The following GPCPD1 variants were observed in gnomAD, a reference collection of about 807,000 sequenced individuals.
GPCPD1 encodes glycerophosphocholine phosphodiesterase 1, also known as glycerophosphocholine phosphodiesterase GPCPD1.
Under a neutral mutation model 89.2 loss-of-function variants are expected in GPCPD1, and 29 were observed. The observed-to-expected ratio is 0.33, with a 90% CI of 0.24 to 0.44. GPCPD1 has a LOEUF of 0.44. Among genes scored for constraint, GPCPD1 ranks in the 20% least tolerant of loss-of-function variants. The probability of loss-of-function intolerance (pLI) is 1.00; values close to 1 mark genes in which losing one functional copy is unlikely to be tolerated. For synonymous variants in GPCPD1, 258 were observed against 266.3 expected (o/e 0.97, Z 0.30); for missense variants, 594 against 808.9 (o/e 0.73, Z 3.22).
chr20:5,561,455 A>T lies in GPCPD1; in HGVS notation c.1395+10T>A. 17 of 1,490,980 alleles carry T rather than the reference A, an allele frequency of 1.1e-5. No homozygotes were observed. Among genetic ancestry groups the T allele is most frequent in the Non-Finnish European group, 1.6e-5 (17 of 1,069,278 alleles). The allele number at this position is 1,490,980 out of a possible 1,614,324, so 92.4% of individuals were successfully genotyped here. Reference sequence around the variant, plus strand: ...AGAGTATAGAATGTGCTGCATAGAGAATTACTTACCCTTTGCTGGCAGATC... The same window carrying T: ...AGAGTATAGAATGTGCTGCATAGAGTATTACTTACCCTTTGCTGGCAGATC... On this transcript the variant is annotated intron_variant, in intron 16 of 19. Transcript: ENST00000379019.
rs749720831 is a variant in GPCPD1, at chr20:5,558,111, A to G, written c.1669-6T>C. On this transcript the variant is annotated splice_polypyrimidine_tract_variant and splice_region_variant and intron_variant, in intron 18 of 19. Coordinates refer to ENST00000379019, the MANE Select transcript of GPCPD1 (RefSeq NM_019593.5). ...TCAGTATGTACATTTATCCCCTAGA[A>G]GAAGAAAAATTAGTTGTGCATGAAA... is the stretch of plus-strand genomic sequence containing the variant. 5 of 1,554,778 alleles carry G rather than the reference A, an allele frequency of 3.2e-6. No individual in the cohort carries two copies. Among genetic ancestry groups the G allele is most frequent in the Middle Eastern group, 3.4e-4 (2 of 5,846 alleles).
rs1264742295 is a variant in GPCPD1 at position 5,545,035 on chromosome 20, G to A, written c.*2626C>T. The A allele has an allele frequency of 2.0e-5, 3 of 150,442 alleles. No homozygotes were observed. The highest frequency in any genetic ancestry group is 1.3e-4 in the Admixed American group (2 of 15,148). The allele number at this position is 150,442 out of a possible 1,614,324, so 9.3% of individuals were successfully genotyped here. On this transcript the variant is annotated 3_prime_UTR_variant, in exon 20 of 20. Transcript: ENST00000379019. ...CATTTACAGCACATAATTCCAGAGA[G>A]TAGAAAATACCAGAGGATAATGGCG...
chr20:5,585,899 T>A (rs1978889592), intron 5 of GPCPD1: 1 of 266,320 alleles, frequency 3.8e-6, no homozygotes, highest in East Asian at 6.9e-5. Context: ...TCAAGAAGAA[T>A]GGTATCTTAT....
intron 6 of GPCPD1, among the ~76,000 whole-genome samples, chr20:5,581,796 A>G (rs1334976278): frequency 7.0e-6 from 1 of 142,284 alleles, no homozygotes; most frequent in African/African-American, 2.8e-5. Flanking sequence ...AGAATGCTTA[A>G]TAATTGTGGG....
In GPCPD1 at chr20:5,584,135, G is replaced by A. The variant is rs1978746522; in HGVS notation, c.349+146C>T. 4 of 484,624 alleles carry A rather than the reference G, an allele frequency of 8.3e-6. No individual in the cohort carries two copies. The Admixed American group carries it at 1.2e-4, about 14-fold the overall frequency. The allele number at this position is 484,624 out of a possible 1,614,324, so 30.0% of individuals were successfully genotyped here. On this transcript the variant is annotated intron_variant, in intron 6 of 19. Transcript: ENST00000379019. ...ATTATAATCATATGAGACTGCTGCT[G>A]CACGTGTGGCCTGTCTTTGACCAAA...
At chr20:5,568,230 G>GTATATATATATATATATACTTAGTATA (rs3057280) in intron 12 of GPCPD1, among the ~76,000 whole-genome samples, 2 of 145,536 alleles carry the variant, frequency 1.4e-5, no homozygotes, top group Non-Finnish European at 3.0e-5. Context: ...AATATACTTA[G>GTATATATATATATATATACTTAGTATA]TATATATATA....
At chr20:5,556,642 A>G (rs1985785407) in intron 19 of GPCPD1, among the ~76,000 whole-genome samples, 1 of 152,240 alleles carries the variant, frequency 6.6e-6, no homozygotes, top group Non-Finnish European at 1.5e-5. Flanking sequence ...AGTAAATGAC[A>G]TCCCTTCTAA....
chr20:5,610,847 G>T lies in GPCPD1; in HGVS notation c.-34C>A, dbSNP rs2122849002. On this transcript the variant is annotated 5_prime_UTR_variant, in exon 1 of 20. Transcript: ENST00000379019. The stretch of plus-strand genomic sequence containing the variant: ...CACCCGGCTCGCTGCCTCACCTCCG[G>T]GTTCGCTAGTCCGCAGGTCCGCGTC... 1 of 151,640 alleles carries T rather than the reference G, an allele frequency of 6.6e-6. No individual in the cohort carries two copies. The highest frequency in any genetic ancestry group is 2.0e-4 in the South Asian group (1 of 4,908). The allele number at this position is 151,640 out of a possible 1,614,324, so 9.4% of individuals were successfully genotyped here.
chr20:5,603,057 C>T (rs1418878214), intron 2 of GPCPD1, among the ~76,000 whole-genome samples: 1 of 150,434 alleles, frequency 6.6e-6, no homozygotes, highest in Non-Finnish European at 1.5e-5. Context: ...CTTTGGGAGG[C>T]CGAGAGGCAG....
intron 3 of GPCPD1, among the ~76,000 whole-genome samples, chr20:5,594,317 T>C (rs1232336927): frequency 2.7e-5 from 4 of 147,552 alleles, no homozygotes; most frequent in African/African-American, 1.0e-4. Context: ...TGAGACGGAG[T>C]CTTGCTCTGT....
chr20:5,606,844 C>T (rs1162854350), intron 1 of GPCPD1, among the ~76,000 whole-genome samples: 2 of 152,166 alleles, frequency 1.3e-5, no homozygotes, highest in Non-Finnish European at 2.9e-5. Flanking sequence ...AATACATACA[C>T]ATATATATAT....
intron 6 of GPCPD1, among the ~76,000 whole-genome samples, chr20:5,581,814 C>CTTTTAT (rs1978508039): frequency 1.3e-5 from 1 of 75,016 alleles, no homozygotes. Context: ...GGGACTTTAA[C>CTTTTAT]TTTTTTTTTT....
At position 5,573,940 on chromosome 20, in the gene GPCPD1, G is replaced by T. The variant is rs141984830; in HGVS notation, c.1031C>A (p.Ala344Asp). 17 of 1,521,470 alleles carry T rather than the reference G, an allele frequency of 1.1e-5. No homozygotes were observed. In the African/African-American group the frequency reaches 2.0e-4, roughly 18 times the overall value. 94.2% of individuals were successfully genotyped at this position (1,521,470 alleles called of 1,614,324 possible). Reference sequence around the variant, plus strand: ...ATGACTAGCAGCATTTCTTAAAGAAGCAATAGTATTTTCTTGAACTTTAGC... The same window carrying T: ...ATGACTAGCAGCATTTCTTAAAGAATCAATAGTATTTTCTTGAACTTTAGC... ...QLAKVQENTI[A>D]SLRNAASHGA... The change falls in exon 11 of 20, where the codon GCT becomes GAT. Residue 344 changes from alanine to aspartate, a missense_variant. Ala to Asp is a moderately radical substitution (Grantham distance 126). Transcript: ENST00000379019.
intron 7 of GPCPD1, among the ~76,000 whole-genome samples, chr20:5,579,536 C>T (rs1294949024): frequency 6.6e-6 from 1 of 152,036 alleles, no homozygotes; most frequent in Admixed American, 6.6e-5. Flanking sequence ...TTAGTAGAGA[C>T]GTGGTTTCAC....
rs1984965805 is a variant in GPCPD1 at position 5,544,986 on chromosome 20, GT to G, written c.*2674del. The G allele has an allele frequency of 6.6e-6, 1 of 152,156 alleles. No individual in the cohort carries two copies. Among genetic ancestry groups the G allele is most frequent in the South Asian group, 2.1e-4 (1 of 4,826 alleles). 9.4% of individuals were successfully genotyped at this position (152,156 alleles called of 1,614,324 possible). On this transcript the variant is annotated 3_prime_UTR_variant, in exon 20 of 20. Coordinates refer to ENST00000379019, the MANE Select transcript of GPCPD1 (RefSeq NM_019593.5). ...AACACTTTCCACACAGGGGTGGGTG[GT>G]GTGCCTCACATTTACAGCCGATCAT...
intron 1 of GPCPD1, among the ~76,000 whole-genome samples, 161 bp from the exon 2 acceptor site, chr20:5,604,601 A>G: frequency 1.5e-5 from 1 of 64,808 alleles, no homozygotes; most frequent in African/African-American, 7.2e-5. Context: ...GTTTTAAAGT[A>G]ACTTTAGTGC....
intron 2 of GPCPD1, among the ~76,000 whole-genome samples, chr20:5,602,938 G>A (rs1279131892): frequency 2.0e-5 from 3 of 149,468 alleles, no homozygotes; most frequent in South Asian, 2.1e-4. Flanking sequence ...AGCCGAGATC[G>A]CGTCATTGCA....
At chr20:5,550,201 A>C (rs562188199) in intron 19 of GPCPD1, among the ~76,000 whole-genome samples, 1 of 151,590 alleles carries the variant, frequency 6.6e-6, no homozygotes, top group East Asian at 1.9e-4. Context: ...CAAAAAAAAA[A>C]CAAACAAAGC....
chr20:5,594,457 CTTTG>C (rs760485030), intron 3 of GPCPD1, among the ~76,000 whole-genome samples: 6 of 152,012 alleles, frequency 3.9e-5, no homozygotes, highest in Non-Finnish European at 7.4e-5. Flanking sequence ...GCCTGGCTAA[CTTTG>C]TTTTTTTATT....
Sources: allele counts gnomAD v4.1 joint callset (sites outside exome capture counted in the v4.1 genomes callset), GRCh38; gene constraint gnomAD v4.1.1; transcripts MANE v1.5; gene names NCBI Gene and HGNC (gene_info 2026-07-23, HGNC 2026-07-21).